Variants in PIP5K1A observed in about 807,000 individuals in gnomAD.
PIP5K1A encodes the protein phosphatidylinositol-4-phosphate 5-kinase type 1 alpha.
In PIP5K1A, 46 loss-of-function variants were observed where a neutral mutation model predicts 72.9. That is an observed-to-expected ratio of 0.63 (90% CI 0.50 to 0.81). The LOEUF (loss-of-function observed/expected upper bound fraction) is 0.81. Ranked by LOEUF, PIP5K1A falls within the 30% of genes least tolerant of loss-of-function variation. The pLI is 0.00. For missense variants in PIP5K1A, 458 were observed against 706.1 expected (o/e 0.65, Z 3.98); for synonymous variants, 228 against 255.1 (o/e 0.89, Z 1.01).
chr1:151,223,740 C>T (rs1175266008), intron 1 of PIP5K1A: 1 of 152,292 alleles, frequency 6.6e-6, no homozygotes, highest in Non-Finnish European at 1.5e-5. Context: ...GTAATCCTAG[C>T]ACTTTGGGAG....
At chr1:151,209,398 G>T (rs1366031269) in intron 1 of PIP5K1A, among the ~76,000 whole-genome samples, 2 of 149,650 alleles carry the variant, frequency 1.3e-5, no homozygotes, top group Non-Finnish European at 3.0e-5. Context: ...AGCCTCTCTA[G>T]TAGCTGGGAT....
intron 1 of PIP5K1A, chr1:151,216,079 A>G (rs587700465): frequency 7.8e-5 from 58 of 740,060 alleles, no homozygotes; most frequent in South Asian, 7.6e-4. Context: ...TCCCCATAAC[A>G]GTTGCAGACT....
rs750483261 is a variant in PIP5K1A at position 151,213,168 on chromosome 1, T to C, written c.86-11077T>C. 5.3e-5 allele frequency among the ~76,000 whole-genome samples: 8 copies of C among 152,140 alleles called. No individual in the cohort carries two copies. The East Asian group carries it at 5.8e-4, about 11-fold the overall frequency. On this transcript the variant is annotated intron_variant, in intron 1 of 15. Coordinates refer to ENST00000368888, the MANE Select transcript of PIP5K1A (RefSeq NM_001135638.2). ...CCTCCCAAAGTGCTGGGATTACAGG[T>C]GTGAGCAACCGCGCCCGGCCTGCCT...
At chr1:151,236,020 C>T (rs1348856044) in intron 8 of PIP5K1A, among the ~76,000 whole-genome samples, 12 of 151,218 alleles carry the variant, frequency 7.9e-5, no homozygotes, top group Non-Finnish European at 1.6e-4. Context: ...ACTTGGGAGG[C>T]TGAGGCAGGA....
chr1:151,221,267 A>G (rs1688359680), intron 1 of PIP5K1A, among the ~76,000 whole-genome samples: 1 of 152,210 alleles, frequency 6.6e-6, no homozygotes, highest in Non-Finnish European at 1.5e-5. Context: ...AGTGTTAATA[A>G]CATTAAAGAG....
intron 12 of PIP5K1A, chr1:151,240,344 C>A: frequency 2.9e-6 from 1 of 345,906 alleles, no homozygotes; most frequent in Non-Finnish European, 5.3e-6. Context: ...ATCCATGCCA[C>A]AGAGATAGGC....
chr1:151,236,868 G>A, intron 9 of PIP5K1A, 105 bp downstream of exon 9: 1 of 733,310 alleles, frequency 1.4e-6, no homozygotes, highest in Non-Finnish European at 2.1e-6. Context: ...TGCCCAGGCT[G>A]ATGTGCTGAT....
At position 151,248,035 on chromosome 1, in the gene PIP5K1A, C is replaced by G. The variant is rs184220832; in HGVS notation, c.*170C>G. On this transcript the variant is annotated 3_prime_UTR_variant, in exon 16 of 16. Transcript: ENST00000368888. The stretch of plus-strand genomic sequence containing the variant: ...TCTTCTTCCTGAAGAAGAACCTTCT[C>G]TCCTTCCTCTTCCTCATGAATGGGC... The G allele has an allele frequency of 1.2e-5, 8 of 656,566 alleles. No individual in the cohort carries two copies. Among genetic ancestry groups the G allele is most frequent in the African/African-American group, 1.1e-4 (6 of 54,996 alleles). 40.7% of individuals were successfully genotyped at this position (656,566 alleles called of 1,614,324 possible).
At chr1:151,201,903 T>C (rs587658274) in intron 1 of PIP5K1A, among the ~76,000 whole-genome samples, 79 of 152,098 alleles carry the variant, frequency 5.2e-4, no homozygotes, top group African/African-American at 1.7e-3. Context: ...AATTTCAAGC[T>C]CTTGATGGAC....
chr1:151,214,077 C>T (rs911933607), intron 1 of PIP5K1A, among the ~76,000 whole-genome samples: 3 of 151,858 alleles, frequency 2.0e-5, no homozygotes. Flanking sequence ...TTTTTCCACT[C>T]AATATATTGA....
At chr1:151,246,829 T>G (rs1692573831) in intron 14 of PIP5K1A, 91 bp from the exon 15 acceptor site, 2 of 896,902 alleles carry the variant, frequency 2.2e-6, no homozygotes, top group East Asian at 5.0e-5. Context: ...AAGTGAAAAT[T>G]AGAGAAGCAG....
chr1:151,238,701 G>A (rs1444575479), intron 10 of PIP5K1A: 1 of 232,976 alleles, frequency 4.3e-6, no homozygotes, highest in Non-Finnish European at 8.4e-6. Context: ...GTGATCATCA[G>A]GGAGGAGCTG....
intron 3 of PIP5K1A, 143 bp downstream of exon 3, chr1:151,224,549 A>T (rs1688839938): frequency 1.5e-6 from 1 of 677,880 alleles, no homozygotes. Context: ...CCTTTAAGAT[A>T]TTCTTATTTA....
chr1:151,205,983 T>G (rs1271357178), intron 1 of PIP5K1A, among the ~76,000 whole-genome samples: 1 of 152,280 alleles, frequency 6.6e-6, no homozygotes, highest in South Asian at 2.1e-4. Context: ...GAAACACCGA[T>G]GGTGTTTCCT....
In PIP5K1A at chr1:151,248,899, C is replaced by T. The variant is rs1692841167; in HGVS notation, c.*1034C>T. On this transcript the variant is annotated 3_prime_UTR_variant, in exon 16 of 16. Coordinates refer to ENST00000368888, the MANE Select transcript of PIP5K1A (RefSeq NM_001135638.2). ...AGAGGGGACACTTCTGTCTGTTTAA[C>T]AGACAGTCCATATCTGTGAGGCCAG... The T allele has an allele frequency of 6.6e-6, 1 of 152,552 alleles. No individual in the cohort carries two copies. The highest frequency in any genetic ancestry group is 2.4e-5 in the African/African-American group (1 of 41,420). The allele number at this position is 152,552 out of a possible 1,614,324, so 9.4% of individuals were successfully genotyped here.
At chr1:151,213,580 AAT>A (rs1265419084) in intron 1 of PIP5K1A, 1 of 152,204 alleles carries the variant, frequency 6.6e-6, no homozygotes, top group Non-Finnish European at 1.5e-5. Flanking sequence ...ATCTGAAAGT[AAT>A]ATGTAGTTGA....
chr1:151,232,527 T>G, intron 6 of PIP5K1A, 24 bp from the exon 7 acceptor site: 1 of 1,590,088 alleles, frequency 6.3e-7, no homozygotes, highest in South Asian at 1.1e-5. Context: ...TCTAAATCTC[T>G]TAGTTCTTCT....
At chr1:151,239,417 C>T (rs1279421858) in intron 11 of PIP5K1A, among the ~76,000 whole-genome samples, 2 of 151,568 alleles carry the variant, frequency 1.3e-5, no homozygotes, top group Non-Finnish European at 2.9e-5. Context: ...GGACCACAGG[C>T]GCGTGCCACC....
chr1:151,238,909 A>G (rs1691257579), intron 10 of PIP5K1A, among the ~76,000 whole-genome samples: 1 of 152,120 alleles, frequency 6.6e-6, no homozygotes, highest in Non-Finnish European at 1.5e-5. Flanking sequence ...CCCTTTTCCC[A>G]TGGGGGGAAT....
Sources: allele counts gnomAD v4.1 joint callset (sites outside exome capture counted in the v4.1 genomes callset), GRCh38; gene constraint gnomAD v4.1.1; transcripts MANE v1.5; gene names NCBI Gene and HGNC (gene_info 2026-07-23, HGNC 2026-07-21).